Variants in DOT1L observed in about 807,000 individuals in gnomAD.
The protein encoded by DOT1L is histone-lysine N-methyltransferase, H3 lysine-79 specific.
DOT1L carries 33 observed loss-of-function variants against 153.3 expected under a neutral mutation model. That is an observed-to-expected ratio of 0.22 (90% CI 0.16 to 0.29). DOT1L has a LOEUF of 0.29. Among genes scored for constraint, DOT1L ranks in the 10% least tolerant of loss-of-function variants. The pLI, the probability that DOT1L is intolerant of heterozygous loss-of-function variation, is 1.00. For missense variants in DOT1L, 1,847 were observed against 2,119.9 expected (o/e 0.87, Z 2.53); for synonymous variants, 1,135 against 965.1 (o/e 1.18, Z -3.26).
chr19:2,223,595 G>A (rs2024214891), intron 25 of DOT1L, 109 bp downstream of exon 25: 1 of 1,159,312 alleles, frequency 8.6e-7, no homozygotes, highest in Admixed American at 2.5e-5. Context: ...AGGCTCTTAG[G>A]GGGTGCCCTG....
intron 1 of DOT1L, among the ~76,000 whole-genome samples, chr19:2,169,506 T>G (rs1323480451): frequency 6.6e-6 from 1 of 150,930 alleles, no homozygotes; most frequent in Admixed American, 6.6e-5. Context: ...CTGAGGAGAG[T>G]TTTTTTTGAG....
In DOT1L at chr19:2,201,352, C is replaced by T. The variant is rs374292628; in HGVS notation, c.708-1348C>T. On this transcript the variant is annotated intron_variant, in intron 8 of 27. Transcript: ENST00000398665. Reference sequence around the variant, plus strand: ...CGTCCTCCCTGCGCCCGTCGTCCTCCCCGCTCCCCTCCTTCTCCCTGCATT... The same window carrying T: ...CGTCCTCCCTGCGCCCGTCGTCCTCTCCGCTCCCCTCCTTCTCCCTGCATT... Among the ~76,000 whole-genome samples, 4 of 151,960 alleles carry T rather than the reference C, an allele frequency of 2.6e-5. No homozygotes were observed. The East Asian group carries it at 5.8e-4, about 22-fold the overall frequency.
In DOT1L at chr19:2,210,455, C is replaced by T. The variant is rs2023665583; in HGVS notation, c.1061C>T (p.Ala354Val). Reference sequence around the variant, plus strand: ...CAGCGCGAGAGCAAGAGCAACGCGGCCACGCCCACTAAGGGCCCAGAGGGC... The same window carrying T: ...CAGCGCGAGAGCAAGAGCAACGCGGTCACGCCCACTAAGGGCCCAGAGGGC... Reference protein sequence around the residue: ...RQQRESKSNAATPTKGPEGKV... With the variant: ...RQQRESKSNAVTPTKGPEGKV... Residue 354 changes from alanine (A) to valine (V), a missense_variant, in exon 13 of 28, where the codon GCC becomes GTC. By Grantham distance (64) the Ala-to-Val change is moderately conservative. This residue lies in a region of DOT1L where 205 missense variants were observed against 203.1 expected (regional missense o/e 1.01). Coordinates refer to ENST00000398665, the MANE Select transcript of DOT1L (RefSeq NM_032482.3). 1 of 1,584,346 alleles carries T rather than the reference C, an allele frequency of 6.3e-7. No individual in the cohort carries two copies. Among genetic ancestry groups the T allele is most frequent in the Non-Finnish European group, 8.6e-7 (1 of 1,168,704 alleles).
chr19:2,189,217 T>TG (rs1285921478), intron 3 of DOT1L, among the ~76,000 whole-genome samples: 1 of 152,176 alleles, frequency 6.6e-6, no homozygotes, highest in East Asian at 1.9e-4. Flanking sequence ...GCAGTGTGGG[T>TG]GGGGGTGAGG....
At chr19:2,172,618 C>T (rs1360714639) in intron 1 of DOT1L, among the ~76,000 whole-genome samples, 1 of 151,670 alleles carries the variant, frequency 6.6e-6, no homozygotes, top group Non-Finnish European at 1.5e-5. Context: ...CATTCTCCTG[C>T]CTCAGCCTCC....
In DOT1L at chr19:2,197,735, G is replaced by A. The variant is rs2240129; in HGVS notation, c.652-2149G>A. Among the ~76,000 whole-genome samples, 67,214 of 152,040 alleles carry A rather than the reference G, an allele frequency of 0.44. 15,284 individuals carry two copies. The highest frequency in any genetic ancestry group is 0.52 in the Middle Eastern group (152 of 294). ...TTTGGGGGAAAGCGTGGCATTCTTC[G>A]TGGCTTTGGCAACACGTGTCAGAAA... On this transcript the variant is annotated intron_variant, in intron 7 of 27. Transcript: ENST00000398665. The surrounding 1 kb of genome is among the most constrained non-coding windows in gnomAD (Gnocchi z 4.1).
At chr19:2,213,492 C>CA in intron 16 of DOT1L, 47 bp from the exon 17 acceptor site, 1 of 1,592,182 alleles carries the variant, frequency 6.3e-7, no homozygotes, top group Non-Finnish European at 8.6e-7. Flanking sequence ...TGTGGGCCCT[C>CA]AGTCACCTGC....
chr19:2,190,431 G>A lies in DOT1L; in HGVS notation c.265-581G>A, dbSNP rs1036398738. On this transcript the variant is annotated intron_variant, in intron 4 of 27. Transcript: ENST00000398665. This position sits in a 1 kb window ranked among gnomAD's most constrained non-coding sequence, Gnocchi z 4.8. ...GGGCTCACTTGGCCCTCCTGAGTGG[G>A]ACTGGGCTGGGCTGGGCTGCCCCAT... 3.3e-5 allele frequency among the ~76,000 whole-genome samples: 5 copies of A among 152,196 alleles called. No homozygotes were observed. The highest frequency in any genetic ancestry group is 1.2e-4 in the African/African-American group (5 of 41,508).
In DOT1L at chr19:2,226,467, T is replaced by A; in HGVS notation, c.3946T>A (p.Cys1316Ser). 1 of 1,601,862 alleles carries A rather than the reference T, an allele frequency of 6.2e-7. No homozygotes were observed. The highest frequency in any genetic ancestry group is 8.5e-7 in the Non-Finnish European group (1 of 1,179,636). Residue 1316 changes from cysteine (C) to serine (S), a missense_variant, in exon 27 of 28, where the codon TGC (cysteine) becomes AGC (serine). Transcript: ENST00000398665. ...CCCGGGCACCAACCCTGCCAACGGCTGCACCTTCGGCGGGGGCCTGGCCGC... is the reference window on the plus strand; with the variant it reads ...CCCGGGCACCAACCCTGCCAACGGCAGCACCTTCGGCGGGGGCCTGGCCGC... ...LSPGTNPANG[C>S]TFGGGLAADL...
chr19:2,196,861 G>C (rs907199666), intron 7 of DOT1L, among the ~76,000 whole-genome samples: 7 of 152,208 alleles, frequency 4.6e-5, no homozygotes, highest in African/African-American at 1.7e-4. Context: ...CGGCGGGCTC[G>C]TGTGGATGCT....
intron 12 of DOT1L, 79 bp from the exon 13 acceptor site, chr19:2,210,319 CTG>C: frequency 1.6e-6 from 2 of 1,284,144 alleles, no homozygotes; most frequent in Non-Finnish European, 2.1e-6. Context: ...CCCCTTGAGT[CTG>C]AGCTCCGCGT....
At chr19:2,194,995 A>G (rs1599567123) in intron 7 of DOT1L, among the ~76,000 whole-genome samples, 1 of 151,926 alleles carries the variant, frequency 6.6e-6, no homozygotes, top group Admixed American at 6.6e-5. Context: ...CAAGCCAGCA[A>G]CCTCGGGGTG....
Position 2,202,790 on chromosome 19 carries a change from C to T in DOT1L, c.787+11C>T, listed in dbSNP as rs771853479. The T allele has an allele frequency of 6.8e-6, 11 of 1,614,172 alleles. No homozygotes were observed. In the South Asian group the frequency reaches 1.2e-4, roughly 18 times the overall value. On this transcript the variant is annotated intron_variant, in intron 9 of 27. Coordinates refer to ENST00000398665, the MANE Select transcript of DOT1L (RefSeq NM_032482.3). ...CAAACATGAAGGAAGGTAAGGCGCC[C>T]TCCTCGCCGGTCTGTGCTGGTGTGA...
Position 2,231,322 on chromosome 19 carries a change from A to G in DOT1L, c.*1530A>G, listed in dbSNP as rs2024588487. The stretch of plus-strand genomic sequence containing the variant: ...CAGATCCACCCTCCAGGGAGCTGCC[A>G]GCCCTGTGTTCTGGTTCCCAAGGGC... On this transcript the variant is annotated 3_prime_UTR_variant, in exon 28 of 28. Transcript: ENST00000398665. 4.6e-6 allele frequency: 1 copy of G among 216,500 alleles called. No homozygotes were observed. Among genetic ancestry groups the G allele is most frequent in the Admixed American group, 5.8e-5 (1 of 17,132 alleles). 13.4% of individuals were successfully genotyped at this position (216,500 alleles called of 1,614,324 possible). A position where few individuals can be genotyped will look rare whatever the true frequency, so the allele number is the denominator to read the frequency against.
At chr19:2,174,958 A>G (rs528947241) in intron 1 of DOT1L, among the ~76,000 whole-genome samples, 3,853 of 130,032 alleles carry the variant, frequency 0.03, 101 homozygotes, top group East Asian at 0.14. Context: ...TTTTAAATAT[A>G]TGTGTGTGTG....
At chr19:2,186,757 G>A (rs1448390183) in intron 3 of DOT1L, among the ~76,000 whole-genome samples, 9 of 152,372 alleles carry the variant, frequency 5.9e-5, no homozygotes, top group African/African-American at 1.9e-4. Context: ...GCAGACAAGC[G>A]TGTTGCTGGC....
chr19:2,181,132 T>C (rs775709709), intron 2 of DOT1L, among the ~76,000 whole-genome samples: 6 of 152,194 alleles, frequency 3.9e-5, no homozygotes, highest in Non-Finnish European at 8.8e-5. Context: ...GTGACTTGGA[T>C]GGGCAGGAGG....
chr19:2,179,582 C>T (rs745633719), intron 1 of DOT1L, among the ~76,000 whole-genome samples: 3 of 152,058 alleles, frequency 2.0e-5, no homozygotes, highest in Admixed American at 1.3e-4. Context: ...CTGAGGTGGG[C>T]GGATCACCTG....
Position 2,222,004 on chromosome 19 carries a change from C to T in DOT1L, c.2835C>T (p.Ile945=). ...TCTCCTACGCTGGCTCGGTGGCCAT[C>T]AGCGGGGCCTTGGCGGGCAGCCCGG... The part of the protein sequence containing the change: ...AGFSYAGSVA[I]SGALAGSPAS... Residue 945 remains isoleucine (I), a synonymous_variant, in exon 24 of 28, where the codon ATC becomes ATT. Transcript: ENST00000398665. This position sits in a 1 kb window ranked among gnomAD's most constrained non-coding sequence, Gnocchi z 6.5. 1 of 1,610,724 alleles carries T rather than the reference C, an allele frequency of 6.2e-7. No individual in the cohort carries two copies. Among genetic ancestry groups the T allele is most frequent in the South Asian group, 1.1e-5 (1 of 90,946 alleles).
Sources: allele counts gnomAD v4.1 joint callset (sites outside exome capture counted in the v4.1 genomes callset), GRCh38; gene constraint gnomAD v4.1.1; regional missense constraint gnomAD v4.1.1; non-coding constraint Gnocchi (gnomAD v3.1); transcripts MANE v1.5; gene names NCBI Gene and HGNC (gene_info 2026-07-23, HGNC 2026-07-21).